TPH2: variants seen among roughly 807,000 people sequenced by gnomAD.
The protein encoded by TPH2 is tryptophan 5-hydroxylase 2.
In TPH2, 27 loss-of-function variants were observed where a neutral mutation model predicts 59.1. The observed-to-expected ratio is 0.46, with a 90% CI of 0.34 to 0.63. The LOEUF is 0.63. Ranked by LOEUF, TPH2 falls within the 30% of genes least tolerant of loss-of-function variation. The pLI is 0.01. For missense variants in TPH2, 523 were observed against 588.3 expected (o/e 0.89, Z 1.15); for synonymous variants, 220 against 210.5 (o/e 1.05, Z -0.39).
At chr12:71,963,485 G>T (rs537778446) in intron 5 of TPH2, among the ~76,000 whole-genome samples, 1 of 37,312 alleles carries the variant, frequency 2.7e-5, no homozygotes, top group East Asian at 9.3e-4. Flanking sequence ...TATATGTACT[G>T]CCCAAGAGGC....
intron 8 of TPH2, among the ~76,000 whole-genome samples, chr12:72,015,685 GTCT>G (rs1363458745): frequency 1.3e-5 from 2 of 152,136 alleles, no homozygotes; most frequent in South Asian, 2.1e-4. Context: ...TTGAGTGACA[GTCT>G]TCTTTTCTGA....
chr12:71,959,909 T>C (rs1393138880), intron 5 of TPH2, among the ~76,000 whole-genome samples: 1 of 152,204 alleles, frequency 6.6e-6, no homozygotes, highest in African/African-American at 2.4e-5. Context: ...AACCAAGCTT[T>C]AATTTTTTTC....
chr12:71,943,336 T>C (rs182042233), intron 2 of TPH2, among the ~76,000 whole-genome samples: 4 of 152,294 alleles, frequency 2.6e-5, no homozygotes, highest in Admixed American at 2.6e-4. Context: ...AGGAATTGTG[T>C]TGGTAATCAC....
chr12:71,996,463 G>A (rs181527031), intron 8 of TPH2, among the ~76,000 whole-genome samples: 2 of 152,318 alleles, frequency 1.3e-5, no homozygotes, highest in African/African-American at 4.8e-5. Context: ...AAGTTGTTTA[G>A]TTCTGAAACC....
intron 8 of TPH2, among the ~76,000 whole-genome samples, chr12:72,021,414 G>A (rs1197452348): frequency 4.7e-5 from 7 of 148,864 alleles, no homozygotes; most frequent in East Asian, 2.0e-4. Flanking sequence ...TATAACATCC[G>A]CCCCACTGCT....
Position 72,031,762 on chromosome 12 carries a change from A to C in TPH2, c.*67A>C, listed in dbSNP as rs528576651. 2.2e-5 allele frequency: 35 copies of C among 1,571,632 alleles called. No individual in the cohort carries two copies. In the African/African-American group the frequency reaches 4.2e-4, roughly 19 times the overall value. The stretch of plus-strand genomic sequence containing the variant: ...TTAGCAGCAGTTCAGTCAATGTCAT[A>C]TAACGCAAATAACCTTCTGTGTCAT... On this transcript the variant is annotated 3_prime_UTR_variant, in exon 11 of 11. Coordinates refer to ENST00000333850, the MANE Select transcript of TPH2 (RefSeq NM_173353.4).
chr12:71,952,785 A>G (rs920219721), intron 5 of TPH2, among the ~76,000 whole-genome samples: 1 of 152,180 alleles, frequency 6.6e-6, no homozygotes, highest in African/African-American at 2.4e-5. Context: ...TGTGCCCAAC[A>G]ATAAGACCCA....
chr12:72,001,215 C>T (rs895031839), intron 8 of TPH2, among the ~76,000 whole-genome samples: 3 of 152,134 alleles, frequency 2.0e-5, no homozygotes, highest in African/African-American at 7.2e-5. Flanking sequence ...TCATGTTTAC[C>T]TTCACTTTCT....
At chr12:72,001,986 T>C (rs1406644327) in intron 8 of TPH2, among the ~76,000 whole-genome samples, 2 of 152,172 alleles carry the variant, frequency 1.3e-5, no homozygotes, top group Admixed American at 1.3e-4. Context: ...TTGAGGTCTA[T>C]TGCACAGAAG....
chr12:72,019,268 A>C (rs1163667924), intron 8 of TPH2, among the ~76,000 whole-genome samples: 1 of 151,926 alleles, frequency 6.6e-6, no homozygotes, highest in African/African-American at 2.4e-5. Context: ...GTCTGTTTCC[A>C]CTCACTTTTG....
chr12:71,966,711 G>C (rs1871828877), intron 5 of TPH2, among the ~76,000 whole-genome samples: 1 of 152,030 alleles, frequency 6.6e-6, no homozygotes, highest in South Asian at 2.1e-4. Flanking sequence ...GAGAAAATCC[G>C]GCTGTTTTCA....
At chr12:71,967,648 A>G (rs1222290971) in intron 5 of TPH2, among the ~76,000 whole-genome samples, 7 of 152,158 alleles carry the variant, frequency 4.6e-5, no homozygotes, top group Admixed American at 4.6e-4. Context: ...AATGCAGGAG[A>G]CTTTCTAGAT....
intron 5 of TPH2, among the ~76,000 whole-genome samples, chr12:71,967,920 T>A (rs1871862104): frequency 6.6e-6 from 1 of 152,196 alleles, no homozygotes; most frequent in Non-Finnish European, 1.5e-5. Flanking sequence ...GTATCCTCCC[T>A]CTCCCGCAGT....
chr12:72,026,669 C>T (rs981136304), intron 9 of TPH2, among the ~76,000 whole-genome samples: 1 of 152,264 alleles, frequency 6.6e-6, no homozygotes, highest in Admixed American at 6.5e-5. Context: ...TTGGTAATGA[C>T]AGAGTAAATG....
intron 8 of TPH2, among the ~76,000 whole-genome samples, chr12:72,011,846 G>C (rs1186373236): frequency 6.6e-6 from 1 of 152,182 alleles, no homozygotes; most frequent in Non-Finnish European, 1.5e-5. Flanking sequence ...AAGGAGGCTG[G>C]TTCCACCCTT....
At chr12:72,007,423 T>C (rs1268810321) in intron 8 of TPH2, among the ~76,000 whole-genome samples, 1 of 152,178 alleles carries the variant, frequency 6.6e-6, no homozygotes, top group Admixed American at 6.6e-5. Flanking sequence ...AATAACTAAA[T>C]AAAGCAATAA....
intron 5 of TPH2, among the ~76,000 whole-genome samples, chr12:71,958,323 A>G (rs1366757907): frequency 6.6e-6 from 1 of 152,158 alleles, no homozygotes; most frequent in Non-Finnish European, 1.5e-5. Flanking sequence ...TCAAAAGTCC[A>G]CACCGTTTTC....
At chr12:71,998,957 T>G (rs1872756882) in intron 8 of TPH2, among the ~76,000 whole-genome samples, 1 of 152,220 alleles carries the variant, frequency 6.6e-6, no homozygotes, top group South Asian at 2.1e-4. Flanking sequence ...TGCCTGCTTT[T>G]CCTTATTTAG....
chr12:71,950,678 A>G (rs1225302103), intron 5 of TPH2, among the ~76,000 whole-genome samples: 2 of 152,200 alleles, frequency 1.3e-5, no homozygotes, highest in Non-Finnish European at 2.9e-5. Flanking sequence ...AACAAAATGC[A>G]AATCCATCTC....
Sources: gnomAD v4.1 joint callset for allele counts (sites outside exome capture counted in the v4.1 genomes callset) on GRCh38, gnomAD v4.1.1 for gene constraint, MANE v1.5 for transcripts, NCBI Gene and HGNC (gene_info 2026-07-23, HGNC 2026-07-21) for gene names.